Variants in TANC2 observed in about 807,000 individuals in gnomAD.
The protein encoded by TANC2 is protein TANC2.
TANC2 carries 26 observed loss-of-function variants against 210.5 expected under a neutral mutation model. That is an observed-to-expected ratio of 0.12 (90% CI 0.09 to 0.17). TANC2 has a LOEUF of 0.17. Among genes scored for constraint, TANC2 ranks in the 10% least tolerant of loss-of-function variants. TANC2 has a pLI of 1.00. For missense variants in TANC2, 2,129 were observed against 2,608.9 expected (o/e 0.82, Z 4.01); for synonymous variants, 931 against 967.1 (o/e 0.96, Z 0.69).
chr17:63,078,095 A>C (rs745996246), intron 3 of TANC2, among the ~76,000 whole-genome samples: 20 of 152,052 alleles, frequency 1.3e-4, no homozygotes, highest in Non-Finnish European at 2.8e-4. Flanking sequence ...AATTGATATT[A>C]TTTCATCCTT....
intron 5 of TANC2, among the ~76,000 whole-genome samples, chr17:63,169,686 C>T (rs1567781776): frequency 6.6e-6 from 1 of 152,012 alleles, no homozygotes; most frequent in Non-Finnish European, 1.5e-5. Flanking sequence ...TGGTGGCACA[C>T]CCCTGTAATC....
chr17:63,089,058 A>C (rs2037083626), intron 3 of TANC2: 1 of 152,074 alleles, frequency 6.6e-6, no homozygotes, highest in Non-Finnish European at 1.5e-5. Context: ...AAAGTTGTTC[A>C]TTTTCTCATG....
intron 7 of TANC2, among the ~76,000 whole-genome samples, chr17:63,226,225 G>C (rs2042324885): frequency 6.6e-6 from 1 of 152,126 alleles, no homozygotes; most frequent in African/African-American, 2.4e-5. Flanking sequence ...GACACCATAG[G>C]GGGTCTGTGG....
At chr17:63,049,108 T>A (rs2035485100) in intron 2 of TANC2, among the ~76,000 whole-genome samples, 1 of 152,192 alleles carries the variant, frequency 6.6e-6, no homozygotes, top group Admixed American at 6.5e-5. Context: ...CATCCAGAAT[T>A]CCCTTCTTTC....
intron 8 of TANC2, among the ~76,000 whole-genome samples, chr17:63,249,758 CAAGGGTAT>C (rs1359524314): frequency 3.3e-5 from 5 of 152,122 alleles, no homozygotes; most frequent in South Asian, 4.1e-4. Context: ...CTTTATGTAT[CAAGGGTAT>C]AAGGACAGCA....
chr17:63,293,881 A>G (rs1308899666), intron 9 of TANC2, among the ~76,000 whole-genome samples: 1 of 149,718 alleles, frequency 6.7e-6, no homozygotes, highest in Non-Finnish European at 1.5e-5. Flanking sequence ...GCCACATGCC[A>G]CCACACCCAG....
chr17:63,022,834 C>A (rs551388099), intron 2 of TANC2, among the ~76,000 whole-genome samples: 1 of 152,150 alleles, frequency 6.6e-6, no homozygotes. Context: ...GCCCCAGGTG[C>A]AGCTTGACTC....
intron 11 of TANC2, among the ~76,000 whole-genome samples, chr17:63,329,501 G>A (rs2045764161): frequency 6.6e-6 from 1 of 152,140 alleles, no homozygotes; most frequent in Admixed American, 6.5e-5. Context: ...TCAAGGCTGT[G>A]GGAAAACAGA....
At chr17:63,361,666 C>G (rs529809830) in intron 14 of TANC2, among the ~76,000 whole-genome samples, 101 of 152,344 alleles carry the variant, frequency 6.6e-4, no homozygotes, top group African/African-American at 2.4e-3. Context: ...AGAACTGCAG[C>G]TCTTCTCTCC....
At chr17:63,361,010 G>C (rs2046943060) in intron 14 of TANC2, among the ~76,000 whole-genome samples, 1 of 152,180 alleles carries the variant, frequency 6.6e-6, no homozygotes, top group Non-Finnish European at 1.5e-5. Context: ...ACTCCGTTGT[G>C]TATATGCACC....
chr17:63,131,193 C>G (rs1295917294), intron 4 of TANC2, among the ~76,000 whole-genome samples: 1 of 152,166 alleles, frequency 6.6e-6, no homozygotes. Context: ...AAGACTGATT[C>G]TCCACCACAG....
intron 8 of TANC2, among the ~76,000 whole-genome samples, chr17:63,241,109 T>C (rs189545311): frequency 6.6e-6 from 1 of 152,292 alleles, no homozygotes; most frequent in East Asian, 1.9e-4. Context: ...CATCTTACTA[T>C]AGAATATAGT....
chr17:63,240,562 G>C (rs564935359), intron 8 of TANC2, among the ~76,000 whole-genome samples: 3 of 152,214 alleles, frequency 2.0e-5, no homozygotes, highest in African/African-American at 7.2e-5. Context: ...TTCCCTATTA[G>C]CCAAGTGCTC....
chr17:63,298,574 A>G (rs1020886275), intron 9 of TANC2, among the ~76,000 whole-genome samples: 4 of 152,128 alleles, frequency 2.6e-5, no homozygotes, highest in Non-Finnish European at 4.4e-5. Context: ...TTTATTTTGG[A>G]GCAACAAAAA....
intron 9 of TANC2, among the ~76,000 whole-genome samples, chr17:63,295,734 A>G (rs1221077995): frequency 6.6e-6 from 1 of 152,226 alleles, no homozygotes; most frequent in East Asian, 1.9e-4. Context: ...ACAACATAAT[A>G]TAATAGAAAA....
chr17:63,230,477 T>C (rs1206933068), intron 7 of TANC2, among the ~76,000 whole-genome samples: 3 of 152,228 alleles, frequency 2.0e-5, no homozygotes, highest in Non-Finnish European at 4.4e-5. Context: ...TTCTGGTACA[T>C]TGCCTGTTTG....
At chr17:63,100,029 T>G (rs2037563634) in intron 4 of TANC2, among the ~76,000 whole-genome samples, 1 of 152,188 alleles carries the variant, frequency 6.6e-6, no homozygotes, top group Non-Finnish European at 1.5e-5. Context: ...TGTGAAAATA[T>G]GTAATCCTGG....
At position 63,169,903 on chromosome 17, in the gene TANC2, G is replaced by A. The variant is rs187831193; in HGVS notation, c.433+18523G>A. ...TCCCAGCACTTTGGGAGGCCAAGGC[G>A]GGCAGATCACGAGGTCAGGAGATCA... On this transcript the variant is annotated intron_variant, in intron 5 of 27. Transcript: ENST00000689528. 3.6e-3 allele frequency among the ~76,000 whole-genome samples: 554 copies of A among 152,052 alleles called. 7 individuals carry two copies. The highest frequency in any genetic ancestry group is 0.013 in the African/African-American group (544 of 41,476).
intron 3 of TANC2, among the ~76,000 whole-genome samples, chr17:63,083,926 C>T (rs1025209195): frequency 6.6e-6 from 1 of 152,184 alleles, no homozygotes; most frequent in African/African-American, 2.4e-5. Flanking sequence ...CACGTACGTT[C>T]ATGAGAGAAA....
Sources: allele counts gnomAD v4.1 joint callset (sites outside exome capture counted in the v4.1 genomes callset), GRCh38; gene constraint gnomAD v4.1.1; transcripts MANE v1.5; gene names NCBI Gene and HGNC (gene_info 2026-07-23, HGNC 2026-07-21).